Variants in ALDH1A1 observed in about 807,000 individuals in gnomAD.
ALDH1A1 encodes the protein aldehyde dehydrogenase 1A1.
Under a neutral mutation model 62.1 loss-of-function variants are expected in ALDH1A1, and 19 were observed. That is an observed-to-expected ratio of 0.31 (90% CI 0.21 to 0.45). ALDH1A1 has a LOEUF of 0.45. Among genes scored for constraint, ALDH1A1 ranks in the 20% least tolerant of loss-of-function variants. The probability of loss-of-function intolerance (pLI) is 1.00; values close to 1 mark genes in which losing one functional copy is unlikely to be tolerated. For synonymous variants in ALDH1A1, 231 were observed against 215.9 expected (o/e 1.07, Z -0.61); for missense variants, 521 against 607.1 (o/e 0.86, Z 1.49).
intron 2 of ALDH1A1, among the ~76,000 whole-genome samples, chr9:72,936,819 A>T (rs377704048): frequency 2.6e-5 from 4 of 152,116 alleles, no homozygotes; most frequent in East Asian, 3.9e-4. Flanking sequence ...AAACTCTTTG[A>T]CCCCTGTTAA....
chr9:72,924,959 A>T (rs1275063142), intron 6 of ALDH1A1, among the ~76,000 whole-genome samples: 2 of 152,220 alleles, frequency 1.3e-5, no homozygotes, highest in Non-Finnish European at 2.9e-5. Context: ...TTTGAACAGG[A>T]AGATAAATGC....
chr9:72,939,096 C>T (rs1311466032), intron 2 of ALDH1A1, among the ~76,000 whole-genome samples: 1 of 152,122 alleles, frequency 6.6e-6, no homozygotes, highest in African/African-American at 2.4e-5. Flanking sequence ...CCCTACTAGG[C>T]ACAGGTTATA....
intron 7 of ALDH1A1, among the ~76,000 whole-genome samples, chr9:72,919,054 C>T (rs539975789): frequency 1.3e-5 from 2 of 152,012 alleles, no homozygotes; most frequent in African/African-American, 4.8e-5. Context: ...GATTCTCTGG[C>T]AAATGGCATT....
intron 2 of ALDH1A1, among the ~76,000 whole-genome samples, chr9:72,937,305 A>C (rs1416657383): frequency 6.6e-6 from 1 of 151,344 alleles, no homozygotes; most frequent in Admixed American, 6.6e-5. Flanking sequence ...TGCAAGAAGC[A>C]TATTGTCTCA....
chr9:72,920,359 C>T (rs1036828847), intron 7 of ALDH1A1, among the ~76,000 whole-genome samples: 13 of 152,146 alleles, frequency 8.5e-5, no homozygotes, highest in Non-Finnish European at 1.8e-4. Flanking sequence ...TTCTATAACA[C>T]ACTTCTTATG....
At chr9:72,910,936 T>C (rs1032119170) in intron 10 of ALDH1A1, among the ~76,000 whole-genome samples, 9 of 152,188 alleles carry the variant, frequency 5.9e-5, no homozygotes, top group African/African-American at 1.7e-4. Context: ...GGCTCCTACT[T>C]TGAAGTAGCA....
chr9:72,910,071 T>C (rs962368741), intron 10 of ALDH1A1, among the ~76,000 whole-genome samples: 6 of 152,186 alleles, frequency 3.9e-5, no homozygotes, highest in African/African-American at 1.4e-4. Context: ...CAGAATTTCT[T>C]TTTCACTTGG....
intron 2 of ALDH1A1, among the ~76,000 whole-genome samples, chr9:72,935,435 A>C (rs962876948): frequency 6.6e-6 from 1 of 152,316 alleles, no homozygotes; most frequent in Non-Finnish European, 1.5e-5. Flanking sequence ...ACAGTTAAGG[A>C]AGGACTGAAC....
intron 3 of ALDH1A1, among the ~76,000 whole-genome samples, chr9:72,930,061 A>AT (rs1267823123): frequency 6.6e-6 from 1 of 152,132 alleles, no homozygotes; most frequent in African/African-American, 2.4e-5. Flanking sequence ...GCTAATGTTG[A>AT]TTTTTTAAAA....
chr9:72,934,361 C>A (rs1226965096), intron 2 of ALDH1A1, among the ~76,000 whole-genome samples: 1 of 152,138 alleles, frequency 6.6e-6, no homozygotes, highest in African/African-American at 2.4e-5. Context: ...ACTATCTTGG[C>A]TACTATCACC....
chr9:72,905,655 T>A (rs111988572), intron 12 of ALDH1A1, among the ~76,000 whole-genome samples: 3 of 152,154 alleles, frequency 2.0e-5, no homozygotes, highest in Non-Finnish European at 4.4e-5. Context: ...GTTTCCCAAA[T>A]GGATTACATT....
At chr9:72,911,888 G>A in intron 10 of ALDH1A1, 70 bp downstream of exon 10, 1 of 1,548,966 alleles carries the variant, frequency 6.5e-7, no homozygotes, top group East Asian at 2.2e-5. Flanking sequence ...ATTTTAAAGT[G>A]ACACTTTGTA....
chr9:72,925,354 A>G, intron 6 of ALDH1A1, 130 bp downstream of exon 6: 1 of 1,059,796 alleles, frequency 9.4e-7, no homozygotes, highest in East Asian at 2.8e-5. Context: ...CCGTCATGCT[A>G]AATGTATTCC....
At chr9:72,944,019 A>G (rs547549112) in intron 1 of ALDH1A1, among the ~76,000 whole-genome samples, 1 of 152,248 alleles carries the variant, frequency 6.6e-6, no homozygotes, top group South Asian at 2.1e-4. Flanking sequence ...GCAGCTCCCA[A>G]CAGAATGGAG....
chr9:72,921,993 T>G (rs897363105), intron 7 of ALDH1A1, among the ~76,000 whole-genome samples: 6 of 151,822 alleles, frequency 4.0e-5, no homozygotes, highest in Non-Finnish European at 5.9e-5. Flanking sequence ...ACTAAAAGCC[T>G]GGGGGAATGA....
intron 7 of ALDH1A1, among the ~76,000 whole-genome samples, chr9:72,920,868 T>C (rs901320221): frequency 6.6e-5 from 10 of 152,230 alleles, no homozygotes; most frequent in African/African-American, 2.2e-4. Context: ...TACTGTGGCA[T>C]TGCCATGTGG....
At chr9:72,921,847 A>G (rs1830150233) in intron 7 of ALDH1A1, among the ~76,000 whole-genome samples, 1 of 152,006 alleles carries the variant, frequency 6.6e-6, no homozygotes, top group Non-Finnish European at 1.5e-5. Context: ...CTGTTATTAT[A>G]TGTGGTGGAC....
At chr9:72,944,397 G>T (rs1187937368) in intron 1 of ALDH1A1, among the ~76,000 whole-genome samples, 1 of 152,058 alleles carries the variant, frequency 6.6e-6, no homozygotes, top group Non-Finnish European at 1.5e-5. Context: ...GACCTAGATG[G>T]TTAGAAGGCC....
At chr9:72,933,227 G>A (rs1466265555) in intron 2 of ALDH1A1, among the ~76,000 whole-genome samples, 3 of 152,118 alleles carry the variant, frequency 2.0e-5, no homozygotes, top group Non-Finnish European at 4.4e-5. Flanking sequence ...TCTAGCTAAA[G>A]GTTTGATAAA....
Sources: gnomAD v4.1 joint callset for allele counts (sites outside exome capture counted in the v4.1 genomes callset) on GRCh38, gnomAD v4.1.1 for gene constraint, MANE v1.5 for transcripts, NCBI Gene and HGNC (gene_info 2026-07-23, HGNC 2026-07-21) for gene names.